MYO1D: variants seen among roughly 807,000 people sequenced by gnomAD.
The protein encoded by MYO1D is unconventional myosin-Id.
Under a neutral mutation model 122.0 loss-of-function variants are expected in MYO1D, and 83 were observed. That is an observed-to-expected ratio of 0.68 (90% CI 0.57 to 0.82). MYO1D has a LOEUF of 0.82. MYO1D is among the 40% of genes least tolerant of loss of function. The pLI is 0.00. For synonymous variants in MYO1D, 464 were observed against 446.9 expected (o/e 1.04, Z -0.48); for missense variants, 1,157 against 1,269.5 (o/e 0.91, Z 1.35).
intron 1 of MYO1D, among the ~76,000 whole-genome samples, chr17:32,815,744 C>G (rs1200146050): frequency 6.6e-6 from 1 of 152,180 alleles, no homozygotes; most frequent in East Asian, 1.9e-4. Context: ...GTGGTCCCCA[C>G]CTAACTGCAA....
chr17:32,656,468 C>G (rs138209584), intron 17 of MYO1D, among the ~76,000 whole-genome samples: 2 of 152,068 alleles, frequency 1.3e-5, no homozygotes, highest in Admixed American at 6.6e-5. Context: ...AATCCTGAAG[C>G]CTGAAGTGGC....
At chr17:32,597,868 C>CAAAAAAA (rs755415435) in intron 21 of MYO1D, among the ~76,000 whole-genome samples, 3 of 62,706 alleles carry the variant, frequency 4.8e-5, no homozygotes, top group South Asian at 6.1e-4. Flanking sequence ...AACCCTGTCT[C>CAAAAAAA]AAAAAAAAAA....
At chr17:32,704,227 T>C (rs1378379932) in intron 16 of MYO1D, among the ~76,000 whole-genome samples, 4 of 152,232 alleles carry the variant, frequency 2.6e-5, no homozygotes, top group Non-Finnish European at 5.9e-5. Context: ...TATGGGTAAG[T>C]GAATCAAATG....
At chr17:32,533,220 T>G (rs1597880780) in intron 21 of MYO1D, among the ~76,000 whole-genome samples, 1 of 152,334 alleles carries the variant, frequency 6.6e-6, no homozygotes, top group Non-Finnish European at 1.5e-5. Context: ...TCTAGCCCAT[T>G]TTAATTCCAA....
chr17:32,557,904 GCCATGT>G (rs573121288), intron 21 of MYO1D, among the ~76,000 whole-genome samples: 109 of 151,910 alleles, frequency 7.2e-4, no homozygotes, highest in African/African-American at 2.6e-3. Flanking sequence ...ACACTCCACA[GCCATGT>G]CCACATTTAT....
At position 32,796,615 on chromosome 17, in the gene MYO1D, T is replaced by C. The variant is rs142528041; in HGVS notation, c.96-15831A>G. ...TCTTGTAGAGACGGGGTTTTTGCCA[T>C]GTTGCCCAAGCTGTTCTCGAACTCC... On this transcript the variant is annotated intron_variant, in intron 1 of 21. Coordinates refer to ENST00000318217, the MANE Select transcript of MYO1D (RefSeq NM_015194.3). 2.5e-3 allele frequency among the ~76,000 whole-genome samples: 377 copies of C among 152,290 alleles called. 3 individuals are homozygous for C. Among genetic ancestry groups the C allele is most frequent in the African/African-American group, 8.6e-3 (356 of 41,576 alleles).
At chr17:32,714,817 A>G (rs1269856414) in intron 15 of MYO1D, among the ~76,000 whole-genome samples, 1 of 152,120 alleles carries the variant, frequency 6.6e-6, no homozygotes, top group Middle Eastern at 3.2e-3. Context: ...CAAAAATGAC[A>G]AATTAAACTA....
chr17:32,612,682 CA>C (rs1262090966), intron 20 of MYO1D, among the ~76,000 whole-genome samples: 10 of 23,606 alleles, frequency 4.2e-4, no homozygotes, highest in East Asian at 1.0e-3. Flanking sequence ...AGACCCATCT[CA>C]AAAAAAAAAA....
chr17:32,615,116 C>T (rs962264593), intron 20 of MYO1D, among the ~76,000 whole-genome samples: 1 of 152,094 alleles, frequency 6.6e-6, no homozygotes, highest in African/African-American at 2.4e-5. Flanking sequence ...TGGATTGTTA[C>T]ACAGCAATAG....
At chr17:32,576,331 C>A (rs962798339) in intron 21 of MYO1D, among the ~76,000 whole-genome samples, 3 of 152,162 alleles carry the variant, frequency 2.0e-5, no homozygotes, top group African/African-American at 7.2e-5. Flanking sequence ...CAACAAAGGA[C>A]AGCATATTTA....
At chr17:32,728,997 A>G (rs1236645700) in intron 14 of MYO1D, among the ~76,000 whole-genome samples, 1 of 152,250 alleles carries the variant, frequency 6.6e-6, no homozygotes, top group African/African-American at 2.4e-5. Flanking sequence ...TTTAATCAGC[A>G]TTCTGTCTCA....
At chr17:32,711,467 G>A (rs1341860751) in intron 16 of MYO1D, among the ~76,000 whole-genome samples, 5 of 152,144 alleles carry the variant, frequency 3.3e-5, no homozygotes, top group Non-Finnish European at 7.3e-5. Flanking sequence ...CCAACATGGT[G>A]AAACCCTATC....
intron 21 of MYO1D, among the ~76,000 whole-genome samples, chr17:32,507,244 T>TG (rs1567870170): frequency 2.0e-5 from 3 of 147,062 alleles, no homozygotes; most frequent in African/African-American, 7.4e-5. Flanking sequence ...TTACAAAAAA[T>TG]AAAAAAAAAA....
At chr17:32,685,836 T>G (rs1474023149) in intron 16 of MYO1D, among the ~76,000 whole-genome samples, 1 of 152,232 alleles carries the variant, frequency 6.6e-6, no homozygotes, top group Admixed American at 6.5e-5. Context: ...ACATTATAGT[T>G]GAGCAAATAT....
intron 21 of MYO1D, among the ~76,000 whole-genome samples, chr17:32,571,242 A>C (rs2150895565): frequency 6.6e-6 from 1 of 152,240 alleles, no homozygotes; most frequent in South Asian, 2.1e-4. Context: ...GGGGCGTGGA[A>C]GCAGGCAAAC....
At position 32,876,632 on chromosome 17, in the gene MYO1D, G is replaced by A. The variant is rs1598176474; in HGVS notation, c.95+146C>T. The A allele has an allele frequency of 2.9e-5, 17 of 580,776 alleles. No individual in the cohort carries two copies. In the East Asian group the frequency reaches 6.2e-4, roughly 21 times the overall value. The allele number at this position is 580,776 out of a possible 1,614,324, so 36.0% of individuals were successfully genotyped here. A position where few individuals can be genotyped will look rare whatever the true frequency, so the allele number is the denominator to read the frequency against. On this transcript the variant is annotated intron_variant, in intron 1 of 21. Coordinates refer to ENST00000318217, the MANE Select transcript of MYO1D (RefSeq NM_015194.3). ...CGGGAAAGCGCAGCCGCGGAGCTTG[G>A]CAGACCCCCGGACACCGCAGCCCGG...
At chr17:32,655,945 A>C (rs2088471014) in intron 17 of MYO1D, among the ~76,000 whole-genome samples, 1 of 152,232 alleles carries the variant, frequency 6.6e-6, no homozygotes, top group Non-Finnish European at 1.5e-5. Flanking sequence ...GAACAAACAG[A>C]ATTTGACAAT....
Position 32,712,069 on chromosome 17 carries a change from G to T in MYO1D, c.2040C>A (p.Phe680Leu). The change falls in exon 16 of 22, where the codon TTC becomes TTA. Residue 680 changes from phenylalanine (F) to leucine (L), a missense_variant. By Grantham distance (22) the Phe-to-Leu change is conservative (BLOSUM62 0). Coordinates refer to ENST00000318217, the MANE Select transcript of MYO1D (RefSeq NM_015194.3). Reference sequence around the variant, plus strand: ...TAAACAATGTTCGGGGTGTTCGAATGAAAATTTTGGTCTTCCCATAAGCTA... The same window carrying T: ...TAAACAATGTTCGGGGTGTTCGAATTAAAATTTTGGTCTTCCCATAAGCTA... ...DDVAYGKTKI[F>L]IRTPRTLFTL... 1.2e-6 allele frequency: 2 copies of T among 1,614,134 alleles called. No individual in the cohort carries two copies. Among genetic ancestry groups the T allele is most frequent in the South Asian group, 1.1e-5 (1 of 91,082 alleles).
intron 1 of MYO1D, among the ~76,000 whole-genome samples, chr17:32,791,385 A>G (rs1373975171): frequency 6.6e-6 from 1 of 151,596 alleles, no homozygotes; most frequent in Non-Finnish European, 1.5e-5. Context: ...AAAAAAAAAA[A>G]AAGGATATTG....
Sources: allele counts gnomAD v4.1 joint callset (sites outside exome capture counted in the v4.1 genomes callset), GRCh38; gene constraint gnomAD v4.1.1; transcripts MANE v1.5; gene names NCBI Gene and HGNC (gene_info 2026-07-23, HGNC 2026-07-21).